Variants in PTBP3 observed in about 807,000 individuals in gnomAD.
The protein encoded by PTBP3 is polypyrimidine tract binding protein 3.
In PTBP3, 20 loss-of-function variants were observed where a neutral mutation model predicts 58.7. The ratio of observed to expected loss-of-function variants is 0.34; its 90% CI spans 0.24 to 0.50. The LOEUF (loss-of-function observed/expected upper bound fraction) is 0.50, where lower values mean the gene tolerates loss of function less well. PTBP3 is among the 20% of genes least tolerant of loss of function. The pLI, the probability that PTBP3 is intolerant of heterozygous loss-of-function variation, is 0.98. For missense variants in PTBP3, 509 were observed against 637.2 expected (o/e 0.80, Z 2.17); for synonymous variants, 185 against 219.8 (o/e 0.84, Z 1.40).
chr9:112,343,896 C>G, the PTBP3 span, among the ~76,000 whole-genome samples: 1 of 151,570 alleles, frequency 6.6e-6, no homozygotes, highest in East Asian at 1.9e-4. Context: ...ATTGATAAAT[C>G]TCCTTCAGTA....
chr9:112,218,855 A>G lies in PTBP3; in HGVS notation c.*4996T>C, dbSNP rs911286726. 4.6e-5 allele frequency: 7 copies of G among 152,492 alleles called. No individual in the cohort carries two copies. Among genetic ancestry groups the G allele is most frequent in the Non-Finnish European group, 1.0e-4 (7 of 68,028 alleles). The allele number at this position is 152,492 out of a possible 1,614,324, so 9.4% of individuals were successfully genotyped here. ...AAATGTTGTTACAAATATTTACAGC[A>G]TTTTCTTCTGTTAGACGAACATTCT... On this transcript the variant is annotated 3_prime_UTR_variant, in exon 14 of 14. Coordinates refer to ENST00000374257, the MANE Select transcript of PTBP3 (RefSeq NM_001163788.4).
intron 1 of PTBP3, among the ~76,000 whole-genome samples, chr9:112,322,134 C>CAAAAAAAAAAA (rs149553072): frequency 1.3e-4 from 9 of 68,314 alleles, no homozygotes; most frequent in African/African-American, 5.8e-4. Context: ...GACTCCATCT[C>CAAAAAAAAAAA]AAAAAAAAAA....
Position 112,311,228 on chromosome 9 carries a change from C to T in PTBP3, c.-51-13312G>A, listed in dbSNP as rs371223392. Reference sequence around the variant, plus strand: ...TTTTTTTAATATACGATTGGCCCACCGTATCCATGGGTTCTGCATCTGTAG... The same window carrying T: ...TTTTTTTAATATACGATTGGCCCACTGTATCCATGGGTTCTGCATCTGTAG... On this transcript the variant is annotated intron_variant, in intron 1 of 13. Coordinates refer to ENST00000374257, the MANE Select transcript of PTBP3 (RefSeq NM_001163788.4). Among the ~76,000 whole-genome samples, 9 of 151,456 alleles carry T rather than the reference C, an allele frequency of 5.9e-5. No homozygotes were observed. The East Asian group carries it at 1.7e-3, about 29-fold the overall frequency.
chr9:112,257,151 T>C (rs1836402055), intron 5 of PTBP3, among the ~76,000 whole-genome samples: 1 of 152,224 alleles, frequency 6.6e-6, no homozygotes, highest in South Asian at 2.1e-4. Flanking sequence ...TTTATCTGAA[T>C]GTGCTAAGAG....
chr9:112,237,569 C>T (rs1262052168), intron 7 of PTBP3, among the ~76,000 whole-genome samples: 1 of 152,020 alleles, frequency 6.6e-6, no homozygotes, highest in Non-Finnish European at 1.5e-5. Context: ...TGCAGAAAAA[C>T]GCTCAATGAA....
chr9:112,269,223 T>C lies in PTBP3; in HGVS notation c.205-1028A>G, dbSNP rs71503517. Reference sequence around the variant, plus strand: ...AAAAAAAAAAAAAAAAAAAAATTGATGCTAAAAGGCTACAATACATAAACA... The same window carrying C: ...AAAAAAAAAAAAAAAAAAAAATTGACGCTAAAAGGCTACAATACATAAACA... On this transcript the variant is annotated intron_variant, in intron 3 of 13. Coordinates refer to ENST00000374257, the MANE Select transcript of PTBP3 (RefSeq NM_001163788.4). Among the ~76,000 whole-genome samples, 1,144 of 143,668 alleles carry C rather than the reference T, an allele frequency of 8.0e-3. 6 individuals are homozygous for C. The highest frequency in any genetic ancestry group is 0.014 in the Non-Finnish European group (920 of 66,206). 94.3% of individuals were successfully genotyped at this position (143,668 alleles called of 152,430 possible).
chr9:112,251,912 C>T (rs949992502), intron 6 of PTBP3, among the ~76,000 whole-genome samples: 10 of 151,956 alleles, frequency 6.6e-5, no homozygotes, highest in Non-Finnish European at 2.9e-5. Flanking sequence ...GCTATACTCC[C>T]AATTGAGTGC....
At chr9:112,335,982 C>T (rs1408958586), upstream of PTBP3, among the ~76,000 whole-genome samples, 1 of 151,720 alleles carries the variant, frequency 6.6e-6, no homozygotes, top group Non-Finnish European at 1.5e-5. Context: ...CAAGCAATTC[C>T]CCTGCCTCAG....
chr9:112,255,927 T>G (rs905808038), intron 5 of PTBP3, among the ~76,000 whole-genome samples: 7 of 152,134 alleles, frequency 4.6e-5, no homozygotes, highest in Non-Finnish European at 1.0e-4. Flanking sequence ...TAGAATTATT[T>G]TTCTTGAGTT....
chr9:112,359,533 G>A, the PTBP3 span, among the ~76,000 whole-genome samples: 2 of 152,020 alleles, frequency 1.3e-5, no homozygotes, highest in Non-Finnish European at 2.9e-5. Context: ...GCTGGGCACG[G>A]TGGCTCACAC....
the PTBP3 span, among the ~76,000 whole-genome samples, chr9:112,346,352 A>G: frequency 6.6e-6 from 1 of 151,644 alleles, no homozygotes; most frequent in Admixed American, 6.6e-5. Context: ...TTTTTAGTAG[A>G]GGTGGCATTT....
intron 1 of PTBP3, among the ~76,000 whole-genome samples, chr9:112,302,582 C>CTTTTTTTTTTTT (rs369208342): frequency 8.1e-5 from 9 of 110,488 alleles, no homozygotes; most frequent in Non-Finnish European, 1.4e-4. Context: ...TATTCTTCAT[C>CTTTTTTTTTTTT]TTTTTTTTTT....
At chr9:112,232,758 A>G (rs549458195) in intron 8 of PTBP3, among the ~76,000 whole-genome samples, 2 of 152,318 alleles carry the variant, frequency 1.3e-5, no homozygotes, top group Admixed American at 1.3e-4. Context: ...ACCAAAATAG[A>G]TATTTACAGA....
At chr9:112,246,916 T>C (rs1020780896) in intron 7 of PTBP3, among the ~76,000 whole-genome samples, 2 of 152,148 alleles carry the variant, frequency 1.3e-5, no homozygotes, top group African/African-American at 4.8e-5. Flanking sequence ...CACAAAATTA[T>C]TTCTGCAGTA....
At chr9:112,325,365 G>A (rs569469328) in intron 1 of PTBP3, among the ~76,000 whole-genome samples, 5 of 152,230 alleles carry the variant, frequency 3.3e-5, no homozygotes, top group East Asian at 1.9e-4. Flanking sequence ...AGGAATTCAC[G>A]CCTTAGGCTA....
the PTBP3 span, among the ~76,000 whole-genome samples, chr9:112,376,197 ACGTGTGTGTG>A: frequency 3.0e-3 from 337 of 112,124 alleles, 7 homozygotes; most frequent in African/African-American, 8.1e-3. Flanking sequence ...TTCCTTATAT[ACGTGTGTGTG>A]TGTGTGTGTG....
chr9:112,288,065 CAT>C (rs748602033), intron 2 of PTBP3, among the ~76,000 whole-genome samples: 1 of 152,142 alleles, frequency 6.6e-6, no homozygotes, highest in Non-Finnish European at 1.5e-5. Flanking sequence ...TTTAGAAAAA[CAT>C]AAGTTACTTT....
the PTBP3 span, chr9:112,379,827 G>A: frequency 6.1e-6 from 3 of 491,438 alleles, no homozygotes; most frequent in South Asian, 7.3e-5. Context: ...CGTAGCGGCT[G>A]ACGCTGCCCA....
intron 1 of PTBP3, among the ~76,000 whole-genome samples, chr9:112,306,614 G>T (rs200166677): frequency 3.9e-4 from 43 of 110,696 alleles, no homozygotes; most frequent in African/African-American, 5.9e-4. Flanking sequence ...ATTTTTGTTT[G>T]TTTGTTTGTT....
Sources: allele counts gnomAD v4.1 joint callset (sites outside exome capture counted in the v4.1 genomes callset), GRCh38; gene constraint gnomAD v4.1.1; transcripts MANE v1.5; gene names NCBI Gene and HGNC (gene_info 2026-07-23, HGNC 2026-07-21).